The following TRIP12 variants were observed in gnomAD, a reference collection of about 807,000 sequenced individuals.
TRIP12 encodes E3 ubiquitin-protein ligase TRIP12.
A neutral mutation model predicts 244.2 loss-of-function variants in TRIP12; 25 were observed. The observed-to-expected ratio is 0.10, with a 90% CI of 0.07 to 0.14. The LOEUF is 0.14. Among genes scored for constraint, TRIP12 ranks in the 10% least tolerant of loss-of-function variants. TRIP12 has a pLI of 1.00. For synonymous variants in TRIP12, 905 were observed against 873.1 expected (o/e 1.04, Z -0.64); for missense variants, 1,677 against 2,486.4 (o/e 0.67, Z 6.92).
Position 229,793,073 on chromosome 2 carries a change from C to T in TRIP12, c.4041G>A (p.Arg1347=), listed in dbSNP as rs546661302. 2.5e-6 allele frequency: 4 copies of T among 1,613,724 alleles called. No individual in the cohort carries two copies. Among genetic ancestry groups the T allele is most frequent in the East Asian group, 4.5e-5 (2 of 44,842 alleles). ...GCTTCACATTTGCACAGTCTGGATGCCTTTGTAACTGGCATTTTAATTGAT... is the reference window on the plus strand; with the variant it reads ...GCTTCACATTTGCACAGTCTGGATGTCTTTGTAACTGGCATTTTAATTGAT... The part of the protein sequence containing the change: ...NTHQLKCQLQ[R]HPDCANVKQW... The change falls in exon 27 of 42, where the codon AGG becomes AGA. Residue 1347 remains arginine, a synonymous_variant. Transcript: ENST00000675903.
At chr2:229,865,734 G>C (rs2061415993) in intron 2 of TRIP12, among the ~76,000 whole-genome samples, 1 of 152,040 alleles carries the variant, frequency 6.6e-6, no homozygotes, top group African/African-American at 2.4e-5. Context: ...GAAAATCCAT[G>C]TTTTAAAAGA....
chr2:229,835,646 T>C (rs1381404362), intron 6 of TRIP12, among the ~76,000 whole-genome samples: 2 of 152,182 alleles, frequency 1.3e-5, no homozygotes, highest in Admixed American at 1.3e-4. Flanking sequence ...GTAAAGTGCT[T>C]AATACTATGG....
chr2:229,859,051 C>T lies in TRIP12; in HGVS notation c.748G>A (p.Ala250Thr), dbSNP rs539119124. Residue 250 changes from alanine (A) to threonine (T), a missense_variant, in exon 4 of 42, where the codon GCT becomes ACT. This residue lies in a region of TRIP12 where 387 missense variants were observed against 392.6 expected (regional missense o/e 0.99). Coordinates refer to ENST00000675903, the MANE Select transcript of TRIP12 (RefSeq NM_001348323.3). ...SAASTSSSSS[A>T]VASASSTVPP... is the part of the protein sequence containing the mutation. ...ACAGTGGAGGAGGCCGAGGCTACAG[C>T]AGAAGACGAGGAGGAAGTAGAGGCA... The T allele has an allele frequency of 9.1e-5, 147 of 1,614,156 alleles. 3 individuals carry two copies. In the South Asian group the frequency reaches 1.2e-3, roughly 13 times the overall value.
chr2:229,789,818 T>G, intron 30 of TRIP12, 56 bp from the exon 31 acceptor site: 1 of 1,589,138 alleles, frequency 6.3e-7, no homozygotes, highest in South Asian at 1.1e-5. Context: ...GCTAAGCCAG[T>G]GCAGCCAAGG....
chr2:229,888,052 G>A (rs2066434874), intron 1 of TRIP12, among the ~76,000 whole-genome samples: 1 of 152,114 alleles, frequency 6.6e-6, no homozygotes, highest in Non-Finnish European at 1.5e-5. Flanking sequence ...TACTACAACA[G>A]CTTCCTGTCC....
At chr2:229,849,860 T>C (rs1191077916) in intron 4 of TRIP12, among the ~76,000 whole-genome samples, 1 of 151,790 alleles carries the variant, frequency 6.6e-6, no homozygotes, top group Non-Finnish European at 1.5e-5. Flanking sequence ...AAAAAGGTCT[T>C]ATATAACTCT....
At position 229,764,985 on chromosome 2, in the gene TRIP12, G is replaced by A. The variant is rs190395498; in HGVS notation, c.*2569C>T. The A allele has an allele frequency of 2.0e-5, 3 of 152,294 alleles. No homozygotes were observed. Among genetic ancestry groups the A allele is most frequent in the South Asian group, 4.1e-4 (2 of 4,824 alleles). The allele number at this position is 152,294 out of a possible 1,614,324, so 9.4% of individuals were successfully genotyped here. A position where few individuals can be genotyped will look rare whatever the true frequency, so the allele number is the denominator to read the frequency against. On this transcript the variant is annotated 3_prime_UTR_variant, in exon 42 of 42. Transcript: ENST00000675903. ...AAGGTTTCTGCTGGGTTTGGCTAAG[G>A]CATCTAAAACTCCGTGTCTGCTCCC...
At position 229,793,131 on chromosome 2, in the gene TRIP12, C is replaced by T; in HGVS notation, c.3983G>A (p.Arg1328Lys). The T allele has an allele frequency of 6.2e-7, 1 of 1,611,672 alleles. No individual in the cohort carries two copies. The highest frequency in any genetic ancestry group is 8.5e-7 in the Non-Finnish European group (1 of 1,179,158). ...GAAAAATTTTAAAGCCTGTGATCCT[C>T]TGTTGAGAGAAAAGCTCAAGATAAT... is the stretch of plus-strand genomic sequence containing the variant. The part of the protein sequence containing the change: ...NGTGGSFSLN[R>K]GSQALKFFNT... Residue 1328 changes from arginine (R) to lysine (K), a missense_variant, in exon 27 of 42, where the codon AGA becomes AAA. By Grantham distance (26) the Arg-to-Lys change is conservative. This residue lies in a region of TRIP12 where 265 missense variants were observed against 370.8 expected (regional missense o/e 0.71). Transcript: ENST00000675903.
At chr2:229,891,253 T>G (rs535400959) in intron 1 of TRIP12, among the ~76,000 whole-genome samples, 2 of 151,266 alleles carry the variant, frequency 1.3e-5, no homozygotes, top group African/African-American at 4.9e-5. Context: ...AAACCCCCTC[T>G]CTACCAAAAA....
Position 229,807,835 on chromosome 2 carries a change from C to T in TRIP12, c.2369G>A (p.Gly790Asp), listed in dbSNP as rs1406283100. 1 of 1,613,682 alleles carries T rather than the reference C, an allele frequency of 6.2e-7. No individual in the cohort carries two copies. The highest frequency in any genetic ancestry group is 8.5e-7 in the Non-Finnish European group (1 of 1,179,888). The change falls in exon 17 of 42, where the codon GGC becomes GAC. Residue 790 changes from glycine (G) to aspartate (D), a missense_variant. Gly to Asp is a moderately conservative substitution (Grantham distance 94). Transcript: ENST00000675903. ...CAACATGGTATCAACTGCAAAAATG[C>T]CTTCTTTTGGTAAACATGGCATAAG... ...CELMPCLPKE[G>D]IFAVDTMLKK... is the part of the protein sequence containing the mutation.
At chr2:229,824,780 T>C (rs1465021318) in intron 8 of TRIP12, among the ~76,000 whole-genome samples, 1 of 152,046 alleles carries the variant, frequency 6.6e-6, no homozygotes, top group Non-Finnish European at 1.5e-5. Flanking sequence ...TTAAAGTAAA[T>C]AACAGAAGGA....
chr2:229,794,766 A>G (rs1357467626), intron 26 of TRIP12: 1 of 152,364 alleles, frequency 6.6e-6, no homozygotes. Flanking sequence ...ATTTGACCCC[A>G]TCAAAATACA....
intron 37 of TRIP12, 105 bp from the exon 38 acceptor site, chr2:229,774,366 C>A (rs1219299621): frequency 2.4e-5 from 28 of 1,175,580 alleles, no homozygotes; most frequent in Non-Finnish European, 3.2e-5. Context: ...CCTAATAAAG[C>A]TGATGGGTTC....
chr2:229,769,407 TA>T, intron 39 of TRIP12, 82 bp from the exon 40 acceptor site: 1 of 1,242,186 alleles, frequency 8.1e-7, no homozygotes, highest in Non-Finnish European at 1.1e-6. Context: ...ACGTGTACCA[TA>T]AAAGAGTATC....
intron 6 of TRIP12, 79 bp downstream of exon 6, chr2:229,836,769 C>G: frequency 6.8e-7 from 1 of 1,472,642 alleles, no homozygotes; most frequent in Non-Finnish European, 9.1e-7. Context: ...ATAGTAACAC[C>G]TAGCATACTT....
chr2:229,775,578 A>G (rs2035973733), intron 37 of TRIP12, among the ~76,000 whole-genome samples: 1 of 151,422 alleles, frequency 6.6e-6, no homozygotes, highest in South Asian at 2.1e-4. Context: ...GTTATTAGAT[A>G]GGAATCTAGA....
chr2:229,914,415 T>C (rs1055791541), intron 1 of TRIP12, among the ~76,000 whole-genome samples: 1 of 152,172 alleles, frequency 6.6e-6, no homozygotes, highest in Non-Finnish European at 1.5e-5. Flanking sequence ...ATATATTTCC[T>C]ATTTACAAGG....
intron 39 of TRIP12, among the ~76,000 whole-genome samples, chr2:229,770,344 T>C (rs1351768544): frequency 1.3e-5 from 2 of 152,160 alleles, no homozygotes; most frequent in Admixed American, 6.5e-5. Context: ...TACAGTAACT[T>C]GGATAAGGTT....
chr2:229,775,592 T>C (rs1218691365), intron 37 of TRIP12, among the ~76,000 whole-genome samples: 1 of 151,194 alleles, frequency 6.6e-6, no homozygotes, highest in Non-Finnish European at 1.5e-5. Flanking sequence ...ATCTAGAATT[T>C]ACAATGTCCT....
Sources: gnomAD v4.1 joint callset for allele counts (sites outside exome capture counted in the v4.1 genomes callset) on GRCh38, gnomAD v4.1.1 for gene constraint, gnomAD v4.1.1 regional missense constraint, MANE v1.5 for transcripts, NCBI Gene and HGNC (gene_info 2026-07-23, HGNC 2026-07-21) for gene names.